MBTPS2: variants seen among roughly 807,000 people sequenced by gnomAD.
MBTPS2 encodes membrane bound transcription factor peptidase, site 2, also known as membrane-bound transcription factor site-2 protease.
In MBTPS2, 2 loss-of-function variants were observed where a neutral mutation model predicts 35.4. The ratio of observed to expected loss-of-function variants is 0.06; its 90% CI spans 0.02 to 0.18. MBTPS2 has a LOEUF of 0.18. MBTPS2 is among the 10% of genes least tolerant of loss of function. The probability of loss-of-function intolerance (pLI) is 1.00; values close to 1 mark genes in which losing one functional copy is unlikely to be tolerated. For synonymous variants in MBTPS2, 125 were observed against 140.4 expected (o/e 0.89, Z 0.77); for missense variants, 244 against 386.5 (o/e 0.63, Z 3.09).
rs981599427 is a variant in MBTPS2 at position 21,868,525 on chromosome X, A to G, written c.729A>G (p.Pro243=). 6 of 1,208,752 alleles carry G rather than the reference A, an allele frequency of 5.0e-6. No individual in the cohort carries two copies. Among genetic ancestry groups the G allele is most frequent in the Middle Eastern group, 2.3e-4 (1 of 4,373 alleles). ...LLGILALVLL[P]VILLPFYYTG... ...GTATTTTAGCTCTTGTTCTCCTCCC[A>G]GTAATTCTCTTGCCATTTTACTACA... The change falls in exon 6 of 11, where the codon CCA becomes CCG. Residue 243 remains proline, a synonymous_variant. Coordinates refer to ENST00000379484, the MANE Select transcript of MBTPS2 (RefSeq NM_015884.4).
intron 3 of MBTPS2, 37 bp downstream of exon 3, chrX:21,845,421 A>G (rs926217626): frequency 8.8e-7 from 1 of 1,138,096 alleles, no homozygotes; most frequent in Non-Finnish European, 1.2e-6. Context: ...AACTATCGAA[A>G]TAGAGATGCA....
At chrX:21,842,508 G>A (rs1399388633) in intron 1 of MBTPS2, among the ~76,000 whole-genome samples, 1 of 109,588 alleles carries the variant, frequency 9.1e-6, no homozygotes, top group Non-Finnish European at 1.9e-5. Flanking sequence ...GCCACATGTG[G>A]TTATTGAGCC....
At chrX:21,849,752 C>T (rs1169686667) in intron 3 of MBTPS2, among the ~76,000 whole-genome samples, 1 of 107,317 alleles carries the variant, frequency 9.3e-6, no homozygotes, top group Non-Finnish European at 1.9e-5. Context: ...ACCGGCCGGG[C>T]GCAGTGGCTC....
chrX:21,853,105 C>T (rs112058595), intron 4 of MBTPS2, among the ~76,000 whole-genome samples: 4 of 110,900 alleles, frequency 3.6e-5, no homozygotes, highest in African/African-American at 9.8e-5. Flanking sequence ...ATTATTTGCT[C>T]AACATATTGG....
chrX:21,868,212 A>C (rs193131545), intron 5 of MBTPS2, among the ~76,000 whole-genome samples: 2 of 111,833 alleles, frequency 1.8e-5, no homozygotes, highest in Admixed American at 9.5e-5. Flanking sequence ...TATTAGTTCT[A>C]TCAGTATCAA....
intron 5 of MBTPS2, among the ~76,000 whole-genome samples, chrX:21,861,262 C>T (rs2092931052): frequency 1.8e-5 from 2 of 111,640 alleles, no homozygotes; most frequent in Non-Finnish European, 1.9e-5. Context: ...TTCAATAATG[C>T]AAACTCATTG....
chrX:21,863,832 G>A (rs2092936297), intron 5 of MBTPS2, among the ~76,000 whole-genome samples: 1 of 112,020 alleles, frequency 8.9e-6, no homozygotes, highest in African/African-American at 3.2e-5. Flanking sequence ...CAGCTGAACA[G>A]CTTTGCCCTG....
At position 21,885,415 on chromosome X, in the gene MBTPS2, TTA is replaced by T; in HGVS notation, c.*2762_*2763del. 1.3e-6 allele frequency: 1 copy of T among 751,872 alleles called. No individual in the cohort carries two copies. Among genetic ancestry groups the T allele is most frequent in the Non-Finnish European group, 1.6e-6 (1 of 636,935 alleles). The allele number at this position is 751,872 out of a possible 1,213,427, so 62.0% of individuals were successfully genotyped here. On this transcript the variant is annotated 3_prime_UTR_variant, in exon 11 of 11. Coordinates refer to ENST00000379484, the MANE Select transcript of MBTPS2 (RefSeq NM_015884.4). ...AAAAGAATAAATGTGTACCAGCATT[TTA>T]TGTTTATCATCGTCTATGTGTTGTC...
intron 5 of MBTPS2, among the ~76,000 whole-genome samples, chrX:21,859,611 G>T (rs1282592633): frequency 1.8e-5 from 2 of 109,280 alleles, no homozygotes; most frequent in Non-Finnish European, 3.8e-5. Flanking sequence ...CTGTGTAATA[G>T]AAAAAGCAAA....
chrX:21,856,456 G>A (rs1332792903), intron 5 of MBTPS2: 1 of 1,182,842 alleles, frequency 8.5e-7, no homozygotes, highest in East Asian at 3.0e-5. Flanking sequence ...CGGTCTTCCC[G>A]TTGCCGCTAA....
chrX:21,863,028 G>A (rs1224413061), intron 5 of MBTPS2, among the ~76,000 whole-genome samples: 4 of 87,719 alleles, frequency 4.6e-5, no homozygotes, highest in Non-Finnish European at 6.7e-5. Context: ...GGCGGAGGTG[G>A]GAGGATGGCT....
At chrX:21,846,631 A>G (rs986688377) in intron 3 of MBTPS2, among the ~76,000 whole-genome samples, 3 of 112,185 alleles carry the variant, frequency 2.7e-5, no homozygotes, top group Non-Finnish European at 3.8e-5. Context: ...TGGCCTCCCA[A>G]AGGGCTGGGA....
At chrX:21,865,818 C>A (rs2147445743) in intron 5 of MBTPS2, among the ~76,000 whole-genome samples, 1 of 111,905 alleles carries the variant, frequency 8.9e-6, no homozygotes, top group South Asian at 3.7e-4. Flanking sequence ...TATTTGCAAA[C>A]CACACTAAGC....
intron 2 of MBTPS2, among the ~76,000 whole-genome samples, chrX:21,843,589 G>A (rs1245877003): frequency 9.0e-6 from 1 of 111,482 alleles, no homozygotes; most frequent in East Asian, 2.8e-4. Flanking sequence ...GTAGATGAGA[G>A]AATGTGAGGG....
chrX:21,856,562 T>C (rs140930537), intron 5 of MBTPS2: 2 of 1,209,896 alleles, frequency 1.7e-6, no homozygotes, highest in African/African-American at 3.5e-5. Flanking sequence ...ACGACATCAA[T>C]GTGGAGCCCC....
rs3213451 is a variant in MBTPS2, at chrX:21,843,316, A to G, written c.222A>G (p.Gln74=). ...WGRRKARMLY[Q]WFNFGMVFGV... ...GGCGGAAAGCAAGGATGCTTTACCA[A>G]TGGTATTCTTCATCTTCTTTTGTTT... The change falls in exon 2 of 11, where the codon CAA becomes CAG. Residue 74 remains glutamine (Q), a splice_region_variant and synonymous_variant. Transcript: ENST00000379484. 0.39 allele frequency: 474,555 copies of G among 1,207,606 alleles called. 64,966 individuals are homozygous for G. The highest frequency in any genetic ancestry group is 0.61 in the East Asian group (20,657 of 33,686).
Position 21,869,617 on chromosome X carries a change from G to C in MBTPS2, c.909G>C (p.Glu303Asp). Residue 303 changes from glutamate to aspartate, a missense_variant, in exon 7 of 11, where the codon GAG becomes GAC. Coordinates refer to ENST00000379484, the MANE Select transcript of MBTPS2 (RefSeq NM_015884.4). ...AATGTTTAGATACCATCGCCTATGA[G>C]CCCCAAATTGGTTACTGTATAAGTG... Reference protein sequence around the residue: ...WNECLDTIAYEPQIGYCISAS... With the variant: ...WNECLDTIAYDPQIGYCISAS... 8.3e-7 allele frequency: 1 copy of C among 1,210,057 alleles called. No homozygotes were observed. The highest frequency in any genetic ancestry group is 1.1e-6 in the Non-Finnish European group (1 of 894,159).
chrX:21,882,367 G>A, intron 10 of MBTPS2, 66 bp from the exon 11 acceptor site: 1 of 810,292 alleles, frequency 1.2e-6, no homozygotes. Context: ...AATATCTTCT[G>A]ACTCATAGAA....
chrX:21,842,406 ACTGTCC>A (rs951431436), intron 1 of MBTPS2, among the ~76,000 whole-genome samples: 9 of 110,590 alleles, frequency 8.1e-5, no homozygotes, highest in Admixed American at 2.9e-4. Flanking sequence ...ACTGATCGCA[ACTGTCC>A]CTTCTCTTGG....
Sources: allele counts gnomAD v4.1 joint callset (sites outside exome capture counted in the v4.1 genomes callset), GRCh38; gene constraint gnomAD v4.1.1; transcripts MANE v1.5; gene names NCBI Gene and HGNC (gene_info 2026-07-23, HGNC 2026-07-21).